ATRNL1: variants seen among roughly 807,000 people sequenced by gnomAD.
ATRNL1 encodes attractin like 1, also known as attractin-like protein 1.
Under a neutral mutation model 182.7 loss-of-function variants are expected in ATRNL1, and 95 were observed. The ratio of observed to expected loss-of-function variants is 0.52; its 90% CI spans 0.44 to 0.62. The LOEUF is 0.62. Ranked by LOEUF, ATRNL1 falls within the 20% of genes least tolerant of loss-of-function variation. ATRNL1 has a pLI of 0.00. For synonymous variants in ATRNL1, 576 were observed against 568.3 expected (o/e 1.01, Z -0.19); for missense variants, 1,471 against 1,679.5 (o/e 0.88, Z 2.17).
intron 1 of ATRNL1, among the ~76,000 whole-genome samples, chr10:115,101,515 T>C (rs1269655681): frequency 6.6e-6 from 1 of 152,172 alleles, no homozygotes; most frequent in Non-Finnish European, 1.5e-5. Context: ...ACATAATTTT[T>C]GAATGTTAAA....
intron 10 of ATRNL1, among the ~76,000 whole-genome samples, chr10:115,250,116 T>C (rs1340725254): frequency 1.3e-5 from 2 of 152,150 alleles, no homozygotes; most frequent in Non-Finnish European, 2.9e-5. Flanking sequence ...ACATAGGGAT[T>C]TGAGCTACAT....
At chr10:115,587,373 C>A (rs1855603153) in intron 26 of ATRNL1, among the ~76,000 whole-genome samples, 1 of 151,784 alleles carries the variant, frequency 6.6e-6, no homozygotes, top group Non-Finnish European at 1.5e-5. Context: ...TGCCGCCTTG[C>A]AGTTTGATCT....
At chr10:115,274,243 G>A (rs1486852818) in intron 13 of ATRNL1, among the ~76,000 whole-genome samples, 1 of 152,124 alleles carries the variant, frequency 6.6e-6, no homozygotes, top group Non-Finnish European at 1.5e-5. Context: ...CTGTTGCAGA[G>A]CCCTCTCTTA....
intron 20 of ATRNL1, among the ~76,000 whole-genome samples, chr10:115,397,418 C>T (rs549167471): frequency 1.5e-3 from 221 of 151,980 alleles, no homozygotes; most frequent in African/African-American, 4.9e-3. Flanking sequence ...AAACTGAAAT[C>T]GGTTCTCTTC....
At chr10:115,375,422 C>T (rs542403674) in intron 19 of ATRNL1, among the ~76,000 whole-genome samples, 1 of 152,024 alleles carries the variant, frequency 6.6e-6, no homozygotes, top group East Asian at 1.9e-4. Flanking sequence ...GTCCAGTTAG[C>T]TAATCTGTGT....
chr10:115,180,855 C>T (rs189415062), intron 8 of ATRNL1, among the ~76,000 whole-genome samples: 18 of 151,982 alleles, frequency 1.2e-4, no homozygotes, highest in African/African-American at 4.3e-4. Context: ...TAGAGGTTTG[C>T]AGATGTTTTT....
chr10:115,553,621 C>T (rs1485154220), intron 26 of ATRNL1, among the ~76,000 whole-genome samples: 1 of 151,192 alleles, frequency 6.6e-6, no homozygotes, highest in Non-Finnish European at 1.5e-5. Context: ...CTTAGATTTG[C>T]ATTTTTTATT....
chr10:115,314,955 G>A (rs1854221412), intron 17 of ATRNL1, among the ~76,000 whole-genome samples: 1 of 152,144 alleles, frequency 6.6e-6, no homozygotes, highest in Admixed American at 6.6e-5. Context: ...ATCCAGCTTG[G>A]CTTTTTGGAT....
intron 25 of ATRNL1, among the ~76,000 whole-genome samples, chr10:115,539,273 AC>A: frequency 6.6e-6 from 1 of 151,592 alleles, no homozygotes; most frequent in East Asian, 1.9e-4. Context: ...TAAAGGAAAA[AC>A]CTTTCCATTT....
intron 26 of ATRNL1, among the ~76,000 whole-genome samples, chr10:115,719,861 C>CTTTTT (rs35436098): frequency 1.6e-5 from 2 of 128,696 alleles, no homozygotes; most frequent in East Asian, 4.7e-4. Context: ...CCCACACACT[C>CTTTTT]TTTTTTTTTT....
intron 21 of ATRNL1, among the ~76,000 whole-genome samples, chr10:115,436,002 G>A (rs1290537129): frequency 6.6e-6 from 1 of 152,062 alleles, no homozygotes; most frequent in Non-Finnish European, 1.5e-5. Context: ...AGCTGTATGA[G>A]CAAGCATTTT....
At chr10:115,844,151 T>C (rs1555098101) in intron 27 of ATRNL1, among the ~76,000 whole-genome samples, 1 of 152,134 alleles carries the variant, frequency 6.6e-6, no homozygotes, top group East Asian at 1.9e-4. Context: ...AGAAAGGATG[T>C]AACATCTTTT....
intron 27 of ATRNL1, among the ~76,000 whole-genome samples, chr10:115,756,087 A>G (rs1247094196): frequency 1.3e-5 from 2 of 151,734 alleles, no homozygotes; most frequent in Admixed American, 1.3e-4. Flanking sequence ...CTAGAGGTCT[A>G]TCTATTTCGT....
chr10:115,181,867 TGCCCATACTA>T (rs1390691290), intron 8 of ATRNL1, among the ~76,000 whole-genome samples: 1 of 151,682 alleles, frequency 6.6e-6, no homozygotes, highest in Admixed American at 6.6e-5. Context: ...TTTCATTTTC[TGCCCATACTA>T]GTAAAAAGTT....
At chr10:115,465,322 A>C (rs1848000864) in intron 22 of ATRNL1, among the ~76,000 whole-genome samples, 1 of 151,620 alleles carries the variant, frequency 6.6e-6, no homozygotes, top group South Asian at 2.1e-4. Context: ...TTAGGACTAC[A>C]TTGTGTATAT....
intron 9 of ATRNL1, among the ~76,000 whole-genome samples, chr10:115,225,012 T>C (rs1365105123): frequency 6.6e-6 from 1 of 152,096 alleles, no homozygotes; most frequent in Admixed American, 6.6e-5. Context: ...GAAATAATTA[T>C]GTTGAGATTT....
intron 24 of ATRNL1, among the ~76,000 whole-genome samples, chr10:115,499,108 A>G (rs1280783035): frequency 6.6e-6 from 1 of 152,174 alleles, no homozygotes; most frequent in East Asian, 1.9e-4. Flanking sequence ...ATAAATATGC[A>G]AATACTATAA....
intron 15 of ATRNL1, among the ~76,000 whole-genome samples, chr10:115,286,784 A>T (rs1852637907): frequency 6.6e-6 from 1 of 151,980 alleles, no homozygotes; most frequent in Non-Finnish European, 1.5e-5. Context: ...GGAGTCAACC[A>T]ACCGCAGATG....
chr10:115,418,971 G>T (rs1421877043), intron 20 of ATRNL1, among the ~76,000 whole-genome samples: 1 of 152,100 alleles, frequency 6.6e-6, no homozygotes, highest in Non-Finnish European at 1.5e-5. Flanking sequence ...TTAAAGAAAA[G>T]AATACTTACA....
Sources: allele counts gnomAD v4.1 joint callset (sites outside exome capture counted in the v4.1 genomes callset), GRCh38; gene constraint gnomAD v4.1.1; transcripts MANE v1.5; gene names NCBI Gene and HGNC (gene_info 2026-07-23, HGNC 2026-07-21).